Variants in WDR19 observed in about 807,000 individuals in gnomAD.
The protein encoded by WDR19 is WD repeat-containing protein 19.
A neutral mutation model predicts 180.0 loss-of-function variants in WDR19; 121 were observed. The observed-to-expected ratio is 0.67, with a 90% CI of 0.58 to 0.78. The LOEUF is 0.78. Among genes scored for constraint, WDR19 ranks in the 30% least tolerant of loss-of-function variants. WDR19 has a pLI of 0.00. For synonymous variants in WDR19, 497 were observed against 540.7 expected, an observed-to-expected ratio of 0.92 and a Z score of 1.12; for missense variants, 1,450 against 1,640.7, an observed-to-expected ratio of 0.88 and a Z score of 2.01.
At chr4:39,211,852 T>C (rs1189673839) in intron 9 of WDR19, among the ~76,000 whole-genome samples, 1 of 152,130 alleles carries the variant, frequency 6.6e-6, no homozygotes, top group Middle Eastern at 3.2e-3. Flanking sequence ...GGTTGATCTA[T>C]TGTTTAATGA....
intron 3 of WDR19, among the ~76,000 whole-genome samples, chr4:39,188,842 C>A (rs1036994829): frequency 6.6e-6 from 1 of 152,052 alleles, no homozygotes; most frequent in African/African-American, 2.4e-5. Flanking sequence ...CCTTTACCTC[C>A]CGGGCTCAAG....
At position 39,234,813 on chromosome 4, in the gene WDR19, G is replaced by A; in HGVS notation, c.2301G>A (p.Lys767=). 6.3e-6 allele frequency: 10 copies of A among 1,585,682 alleles called. No individual in the cohort carries two copies. Among genetic ancestry groups the A allele is most frequent in the Non-Finnish European group, 8.6e-6 (10 of 1,164,766 alleles). Residue 767 remains lysine (K), a synonymous_variant, in exon 20 of 37, where the codon AAG becomes AAA. Transcript: ENST00000399820. ...GGGACAGTGCTCTACAACTGGCAAA[G>A]CATTTGGCCCCAGACCAGATACCTT... is the stretch of plus-strand genomic sequence containing the variant. ...QHWDSALQLA[K]HLAPDQIPFI...
chr4:39,269,984 C>A lies in WDR19; in HGVS notation c.3367C>A (p.Arg1123=). The change falls in exon 31 of 37, where the codon CGG becomes AGG. Residue 1123 remains arginine, a synonymous_variant. Transcript: ENST00000399820. The part of the protein sequence containing the change: ...AREEQSAGNY[R]NAHDVLFSMY... ...TACCACCTTTTTTCAAGGCAACTACCGGAATGCACACGATGTTCTCTTCAG... is the reference window on the plus strand; with the variant it reads ...TACCACCTTTTTTCAAGGCAACTACAGGAATGCACACGATGTTCTCTTCAG... 1.2e-6 allele frequency: 2 copies of A among 1,613,468 alleles called. No individual in the cohort carries two copies. The highest frequency in any genetic ancestry group is 1.7e-6 in the Non-Finnish European group (2 of 1,179,662).
At position 39,215,924 on chromosome 4, in the gene WDR19, A is replaced by G; in HGVS notation, c.1045A>G (p.Lys349Glu). 1 of 1,613,792 alleles carries G rather than the reference A, an allele frequency of 6.2e-7. No homozygotes were observed. Among genetic ancestry groups the G allele is most frequent in the South Asian group, 1.1e-5 (1 of 91,032 alleles). Residue 349 changes from lysine (K) to glutamate (E), a missense_variant, in exon 11 of 37, where the codon AAG (lysine) becomes GAG (glutamate). Lys to Glu is a moderately conservative substitution (Grantham distance 56). Transcript: ENST00000399820. ...GGGCTCACTTCATGTTTTCCTGACC[A>G]AGCTTCCCATACTTGGGGATGCCTG... is the stretch of plus-strand genomic sequence containing the variant. ...QRGSLHVFLT[K>E]LPILGDACST...
chr4:39,248,799 A>G (rs371615004), intron 24 of WDR19, among the ~76,000 whole-genome samples: 1 of 152,182 alleles, frequency 6.6e-6, no homozygotes, highest in African/African-American at 2.4e-5. Flanking sequence ...AACAAGAAGA[A>G]CTAACTATCC....
chr4:39,197,549 A>G (rs1726893353), intron 5 of WDR19, among the ~76,000 whole-genome samples: 1 of 152,172 alleles, frequency 6.6e-6, no homozygotes, highest in Non-Finnish European at 1.5e-5. Flanking sequence ...GAATCTATAC[A>G]CTTAACTATT....
At chr4:39,274,547 A>C (rs1735707556) in intron 32 of WDR19, 3 of 417,882 alleles carry the variant, frequency 7.2e-6, no homozygotes, top group East Asian at 7.5e-5. Flanking sequence ...AACTCATGGA[A>C]GTGTTGCCTC....
At chr4:39,254,992 T>G (rs1241414506) in intron 26 of WDR19, among the ~76,000 whole-genome samples, 1 of 152,164 alleles carries the variant, frequency 6.6e-6, no homozygotes, top group Non-Finnish European at 1.5e-5. Context: ...ACAAATTAAT[T>G]AGGTAAAAGC....
Position 39,252,061 on chromosome 4 carries a change from A to T in WDR19, c.2730-1085A>T, listed in dbSNP as rs576416158. On this transcript the variant is annotated intron_variant, in intron 24 of 36. Coordinates refer to ENST00000399820, the MANE Select transcript of WDR19 (RefSeq NM_025132.4). ...CTGCTATGAAGACACATGCACACGT[A>T]TGTTTATTGTGGCACTATTCACAAT... Among the ~76,000 whole-genome samples, 15 of 152,228 alleles carry T rather than the reference A, an allele frequency of 9.9e-5. No homozygotes were observed. The South Asian group carries it at 3.1e-3, about 32-fold the overall frequency.
chr4:39,234,749 C>G lies in WDR19; in HGVS notation c.2254-17C>G. ...AATTTTGCTCATTTGAAATTAAGGTCTTTCTCTTCTTAACAGATGAGAAGG... is the reference window on the plus strand; with the variant it reads ...AATTTTGCTCATTTGAAATTAAGGTGTTTCTCTTCTTAACAGATGAGAAGG... On this transcript the variant is annotated splice_polypyrimidine_tract_variant and intron_variant, in intron 19 of 36. Coordinates refer to ENST00000399820, the MANE Select transcript of WDR19 (RefSeq NM_025132.4). The G allele has an allele frequency of 1.3e-6, 2 of 1,536,920 alleles. No individual in the cohort carries two copies. The highest frequency in any genetic ancestry group is 1.8e-6 in the Non-Finnish European group (2 of 1,130,224).
At chr4:39,203,800 C>A in intron 7 of WDR19, 78 bp downstream of exon 7, 1 of 1,296,342 alleles carries the variant, frequency 7.7e-7, no homozygotes, top group Non-Finnish European at 1.1e-6. Context: ...TCTTGGATGA[C>A]TAAAATAGTG....
At chr4:39,253,818 G>T (rs1353994357) in intron 25 of WDR19, 88 bp from the exon 26 acceptor site, 66 of 1,061,130 alleles carry the variant, frequency 6.2e-5, no homozygotes, top group Non-Finnish European at 6.3e-5. Context: ...TAAAAATTTT[G>T]ATTTTTAAAT....
In WDR19 at chr4:39,271,133, G is replaced by C. The variant is rs185371522; in HGVS notation, c.3483+1033G>C. ...GCTGGTCTCGAACTCCTGTCCTCAG[G>C]CAATCCACCTGCCTCGGCCTCCCAA... On this transcript the variant is annotated intron_variant, in intron 31 of 36. Transcript: ENST00000399820. Among the ~76,000 whole-genome samples, 321 of 152,200 alleles carry C rather than the reference G, an allele frequency of 2.1e-3. 2 individuals carry two copies. Among genetic ancestry groups the C allele is most frequent in the Non-Finnish European group, 3.4e-3 (232 of 68,012 alleles).
intron 36 of WDR19, among the ~76,000 whole-genome samples, chr4:39,279,900 A>G (rs1228461306): frequency 6.6e-6 from 1 of 151,422 alleles, no homozygotes; most frequent in Non-Finnish European, 1.5e-5. Flanking sequence ...ACGGGGTTTC[A>G]CCATGTTGGC....
intron 31 of WDR19, among the ~76,000 whole-genome samples, 152 bp downstream of exon 31, chr4:39,270,252 C>T (rs1035293200): frequency 2.6e-5 from 4 of 152,162 alleles, no homozygotes; most frequent in African/African-American, 9.7e-5. Flanking sequence ...ATCTACAATA[C>T]GCTGCTTTGT....
At chr4:39,225,792 C>T (rs1225400722) in intron 15 of WDR19, among the ~76,000 whole-genome samples, 2 of 152,038 alleles carry the variant, frequency 1.3e-5, no homozygotes, top group Non-Finnish European at 1.5e-5. Flanking sequence ...ATGCCCGCCC[C>T]TTCTTCCTTT....
intron 26 of WDR19, among the ~76,000 whole-genome samples, chr4:39,254,641 TATATA>T (rs1290942899): frequency 3.3e-5 from 5 of 152,186 alleles, no homozygotes; most frequent in African/African-American, 9.6e-5. Flanking sequence ...TGCTAAAATA[TATATA>T]ATATAAAATT....
chr4:39,273,170 A>C, intron 32 of WDR19, 109 bp downstream of exon 32: 24 of 797,260 alleles, frequency 3.0e-5, no homozygotes, highest in Non-Finnish European at 4.4e-5. Context: ...TTTAATTCTC[A>C]CAGCAGCTCC....
Position 39,199,502 on chromosome 4 carries a change from G to A in WDR19, c.431G>A (p.Cys144Tyr), listed in dbSNP as rs1343959332. ...GGAAAACATACTAAGAGAATCACTT[G>A]TGGATGTTGGAATGCAGAAAATCTG... ...VLGKHTKRIT[C>Y]GCWNAENLLA... The change falls in exon 6 of 37, where the codon TGT becomes TAT. Residue 144 changes from cysteine (C) to tyrosine (Y), a missense_variant. By Grantham distance (194) the Cys-to-Tyr change is radical. Coordinates refer to ENST00000399820, the MANE Select transcript of WDR19 (RefSeq NM_025132.4). 6.2e-6 allele frequency: 10 copies of A among 1,613,146 alleles called. No homozygotes were observed. Among genetic ancestry groups the A allele is most frequent in the Non-Finnish European group, 8.5e-6 (10 of 1,179,630 alleles).
Sources: allele counts gnomAD v4.1 joint callset (sites outside exome capture counted in the v4.1 genomes callset), GRCh38; gene constraint gnomAD v4.1.1; transcripts MANE v1.5; gene names NCBI Gene and HGNC (gene_info 2026-07-23, HGNC 2026-07-21).